The following A2ML1 variants were observed in gnomAD, a reference collection of about 807,000 sequenced individuals.
The protein encoded by A2ML1 is alpha-2-macroglobulin-like protein 1.
Under a neutral mutation model 181.9 loss-of-function variants are expected in A2ML1, and 161 were observed. That is an observed-to-expected ratio of 0.89 (90% CI 0.78 to 1.01). The LOEUF is 1.01. A2ML1 is among the 50% of genes least tolerant of loss of function. The probability of loss-of-function intolerance (pLI) is 0.00; values close to 1 mark genes in which losing one functional copy is unlikely to be tolerated. For missense variants in A2ML1, 1,670 were observed against 1,768.1 expected, an observed-to-expected ratio of 0.94 and a Z score of 1.00; for synonymous variants, 663 against 666.8, an observed-to-expected ratio of 0.99 and a Z score of 0.09.
At position 8,851,735 on chromosome 12, in the gene A2ML1, C is replaced by T. The variant is rs1386053581; in HGVS notation, c.2235-49C>T. On this transcript the variant is annotated intron_variant, in intron 18 of 35. Coordinates refer to ENST00000299698, the MANE Select transcript of A2ML1 (RefSeq NM_144670.6). Reference sequence around the variant, plus strand: ...TTGTGGCTTAATTCACAAATGTTCTCCTTGCCCCACGCTACCTCTGCCTCA... The same window carrying T: ...TTGTGGCTTAATTCACAAATGTTCTTCTTGCCCCACGCTACCTCTGCCTCA... 7 of 1,577,616 alleles carry T rather than the reference C, an allele frequency of 4.4e-6. No homozygotes were observed. The African/African-American group carries it at 5.4e-5, about 12-fold the overall frequency.
At chr12:8,836,484 T>TC in intron 7 of A2ML1, 145 bp downstream of exon 7, 1 of 300,502 alleles carries the variant, frequency 3.3e-6, no homozygotes, top group Non-Finnish European at 6.2e-6. Flanking sequence ...CCAAGACCTT[T>TC]TTTTTTTTTT....
Position 8,851,133 on chromosome 12 carries a change from A to G in A2ML1, c.2235-651A>G, listed in dbSNP as rs147891337. The stretch of plus-strand genomic sequence containing the variant: ...TGCAGGCCCTGTGTTCTCACTACAG[A>G]ACCACACACATTTAAAGGTATATAT... On this transcript the variant is annotated intron_variant, in intron 18 of 35. Transcript: ENST00000299698. 2.0e-3 allele frequency among the ~76,000 whole-genome samples: 299 copies of G among 152,306 alleles called. 1 individual carries two copies. The highest frequency in any genetic ancestry group is 3.4e-3 in the Middle Eastern group (1 of 294).
chr12:8,861,505 T>G (rs953490377), intron 28 of A2ML1, among the ~76,000 whole-genome samples: 3 of 152,200 alleles, frequency 2.0e-5, no homozygotes, highest in Non-Finnish European at 2.9e-5. Context: ...CTTTTCTTTT[T>G]GAGACGGAGT....
chr12:8,847,480 C>T, intron 14 of A2ML1, 69 bp from the exon 15 acceptor site: 1 of 1,512,228 alleles, frequency 6.6e-7, no homozygotes, highest in East Asian at 2.3e-5. Flanking sequence ...TGCTGATGAC[C>T]CAAATTATGT....
At chr12:8,839,955 C>G (rs1485584676) in intron 10 of A2ML1, among the ~76,000 whole-genome samples, 1 of 152,082 alleles carries the variant, frequency 6.6e-6, no homozygotes, top group South Asian at 2.1e-4. Flanking sequence ...CCATGTTGGT[C>G]AGGCTGGTCT....
chr12:8,857,732 C>T (rs899090153), intron 25 of A2ML1, 144 bp downstream of exon 25: 4 of 1,123,728 alleles, frequency 3.6e-6, no homozygotes, highest in African/African-American at 1.6e-5. Flanking sequence ...ATTTCACCCT[C>T]ATGGATGGTC....
At chr12:8,873,610 A>AT (rs1184829617) in intron 33 of A2ML1, among the ~76,000 whole-genome samples, 9 of 151,956 alleles carry the variant, frequency 5.9e-5, no homozygotes, top group South Asian at 2.1e-4. Flanking sequence ...ATACACACAC[A>AT]TTTTTTTTCA....
intron 12 of A2ML1, chr12:8,844,912 C>G: frequency 8.9e-7 from 1 of 1,123,074 alleles, no homozygotes; most frequent in Non-Finnish European, 1.1e-6. Flanking sequence ...GGGATGAGAG[C>G]CTGCTTGCAA....
chr12:8,829,777 A>G lies in A2ML1; in HGVS notation c.460A>G (p.Lys154Glu), dbSNP rs1943050288. 6.2e-7 allele frequency: 1 copy of G among 1,614,114 alleles called. No homozygotes were observed. The highest frequency in any genetic ancestry group is 1.7e-5 in the Admixed American group (1 of 60,024). The part of the protein sequence containing the change: ...MDSNFVPVND[K>E]YSMVELQDPN... Reference sequence around the variant, plus strand: ...TAGCAACTTCGTTCCAGTGAATGACAAGGTGAGTTGGGAGGAGGAGAAGGA... The same window carrying G: ...TAGCAACTTCGTTCCAGTGAATGACGAGGTGAGTTGGGAGGAGGAGAAGGA... The change falls in exon 4 of 36, where the codon AAG becomes GAG. Residue 154 changes from lysine (K) to glutamate (E), a missense_variant and splice_region_variant. Transcript: ENST00000299698.
At chr12:8,840,383 A>G (rs1374043302) in intron 10 of A2ML1, among the ~76,000 whole-genome samples, 3 of 151,612 alleles carry the variant, frequency 2.0e-5, no homozygotes, top group Non-Finnish European at 4.4e-5. Flanking sequence ...AGATAAATAC[A>G]TAATTAAATT....
At chr12:8,846,502 C>G (rs1329116075) in intron 14 of A2ML1, among the ~76,000 whole-genome samples, 1 of 152,044 alleles carries the variant, frequency 6.6e-6, no homozygotes, top group Non-Finnish European at 1.5e-5. Context: ...GTCAAGGGTT[C>G]AAGACCAGCC....
At chr12:8,832,042 G>A (rs1319183226) in intron 4 of A2ML1, among the ~76,000 whole-genome samples, 2 of 152,188 alleles carry the variant, frequency 1.3e-5, no homozygotes, top group South Asian at 2.1e-4. Flanking sequence ...GAGCCACCGC[G>A]CCTGGCCAGG....
At chr12:8,873,873 G>A (rs1944710167) in intron 33 of A2ML1, among the ~76,000 whole-genome samples, 1 of 152,036 alleles carries the variant, frequency 6.6e-6, no homozygotes, top group Non-Finnish European at 1.5e-5. Context: ...ATGAACAAAG[G>A]GAACCAGTTC....
Position 8,829,654 on chromosome 12 carries a change from C to G in A2ML1, c.410-73C>G, listed in dbSNP as rs962819106. The G allele has an allele frequency of 2.7e-6, 3 of 1,115,016 alleles. No individual in the cohort carries two copies. The Admixed American group carries it at 7.9e-5, about 29-fold the overall frequency. 69.1% of individuals were successfully genotyped at this position (1,115,016 alleles called of 1,614,324 possible). A position where few individuals can be genotyped will look rare whatever the true frequency, so the allele number is the denominator to read the frequency against. ...TGGGTGACAGAGTGAGACCCTGTAT[C>G]AAAAAAAAAAAAAAAAAAAAAATTC... On this transcript the variant is annotated intron_variant, in intron 3 of 35. Transcript: ENST00000299698.
chr12:8,855,402 G>C, intron 22 of A2ML1, 107 bp from the exon 23 acceptor site: 4 of 962,132 alleles, frequency 4.2e-6, no homozygotes, highest in Non-Finnish European at 4.9e-6. Context: ...AGAAAGCACC[G>C]AGTACAGAAA....
At chr12:8,823,058 G>A (rs1942795571) in intron 1 of A2ML1, 124 bp from the exon 2 acceptor site, 3 of 947,262 alleles carry the variant, frequency 3.2e-6, no homozygotes, top group South Asian at 1.6e-5. Context: ...AAAATGAGGT[G>A]CATAAGGAAG....
At chr12:8,858,600 A>C (rs921872010) in intron 26 of A2ML1, among the ~76,000 whole-genome samples, 1 of 151,998 alleles carries the variant, frequency 6.6e-6, no homozygotes, top group East Asian at 1.9e-4. Context: ...AGAAAAAGAG[A>C]ATGTGGACTG....
intron 10 of A2ML1, 34 bp downstream of exon 10, chr12:8,839,256 A>C (rs779748565): frequency 6.6e-7 from 1 of 1,514,004 alleles, no homozygotes; most frequent in Admixed American, 1.7e-5. Flanking sequence ...TAGACAAAAA[A>C]ATGCATAACC....
At position 8,823,797 on chromosome 12, in the gene A2ML1, G is replaced by A. The variant is rs1942829880; in HGVS notation, c.324G>A (p.Glu108=). 6.2e-7 allele frequency: 1 copy of A among 1,613,942 alleles called. No individual in the cohort carries two copies. Among genetic ancestry groups the A allele is most frequent in the Admixed American group, 1.7e-5 (1 of 59,986 alleles). ...GAGTTGGAAATAACATCAGCTTTGA[G>A]GAGAAGAAAAAGGTTCTAATTCAGA... ...VSGVGNNISF[E]EKKKVLIQRQ... The change falls in exon 3 of 36, where the codon GAG becomes GAA. Residue 108 remains glutamate, a synonymous_variant. Coordinates refer to ENST00000299698, the MANE Select transcript of A2ML1 (RefSeq NM_144670.6).
Sources: allele counts gnomAD v4.1 joint callset (sites outside exome capture counted in the v4.1 genomes callset), GRCh38; gene constraint gnomAD v4.1.1; transcripts MANE v1.5; gene names NCBI Gene and HGNC (gene_info 2026-07-23, HGNC 2026-07-21).